The following COX6C variants were observed in gnomAD, a reference collection of about 807,000 sequenced individuals.
COX6C encodes the protein cytochrome c oxidase polypeptide VIc.
In COX6C, 3 loss-of-function variants were observed where a neutral mutation model predicts 6.9. The ratio of observed to expected loss-of-function variants is 0.43; its 90% confidence interval spans 0.20 to 1.12. The LOEUF is 1.12. Among genes scored for constraint, COX6C ranks in the 50% most tolerant of loss-of-function variants. The pLI is 0.27. For synonymous variants in COX6C, 32 were observed against 32.0 expected (o/e 1.00, Z 0.00); for missense variants, 101 against 97.3 (o/e 1.04, Z -0.16).
At chr8:99,892,733 G>GCA (rs1785603656) in intron 1 of COX6C, among the ~76,000 whole-genome samples, 1 of 151,544 alleles carries the variant, frequency 6.6e-6, no homozygotes, top group South Asian at 2.1e-4. Context: ...ACAAACTGCG[G>GCA]CACACTAGTA....
At chr8:99,892,505 C>T (rs145246467) in intron 1 of COX6C, among the ~76,000 whole-genome samples, 2 of 152,286 alleles carry the variant, frequency 1.3e-5, no homozygotes, top group East Asian at 3.9e-4. Context: ...GCTCTCACTA[C>T]TCTGAGCTTT....
chr8:99,887,394 A>C, intron 3 of COX6C, 96 bp downstream of exon 3: 1 of 624,128 alleles, frequency 1.6e-6, no homozygotes, highest in Non-Finnish European at 2.6e-6. Flanking sequence ...AAGTCAAAAA[A>C]TCTTAAGTCT....
rs149663441 is a variant in COX6C, at chr8:99,892,015, G to A, written c.7C>T (p.Pro3Ser). MA[P>S]EVLPKPRMRG... Reference sequence around the variant, plus strand: ...ATCCGAGGTTTTGGCAAAACTTCGGGAGCCATGGTAGTTACTGTCCTTGAT... The same window carrying A: ...ATCCGAGGTTTTGGCAAAACTTCGGAAGCCATGGTAGTTACTGTCCTTGAT... The change falls in exon 2 of 4, where the codon CCC becomes TCC. Residue 3 changes from proline to serine, a missense_variant. Coordinates refer to ENST00000520468, the MANE Select transcript of COX6C (RefSeq NM_004374.4). The A allele has an allele frequency of 2.9e-3, 4,663 of 1,611,950 alleles. 15 individuals are homozygous for A. The highest frequency in any genetic ancestry group is 3.4e-3 in the Non-Finnish European group (3,960 of 1,179,320).
At chr8:99,882,694 T>C (rs571010532) in intron 3 of COX6C, among the ~76,000 whole-genome samples, 1 of 152,290 alleles carries the variant, frequency 6.6e-6, no homozygotes, top group Non-Finnish European at 1.5e-5. Context: ...AGAGGGAACA[T>C]TACAACTGAT....
chr8:99,890,407 C>T (rs77848139), intron 2 of COX6C, among the ~76,000 whole-genome samples: 3,648 of 152,264 alleles, frequency 0.024, 146 homozygotes, highest in African/African-American at 0.084. Context: ...TTCACCTCCC[C>T]AACTTGACTC....
chr8:99,878,358 A>G (rs1318073221), intron 3 of COX6C, 93 bp from the exon 4 acceptor site: 2 of 152,298 alleles, frequency 1.3e-5, no homozygotes, highest in African/African-American at 4.8e-5. Context: ...TCCTACTAGT[A>G]GACTTCACAC....
intron 3 of COX6C, among the ~76,000 whole-genome samples, chr8:99,880,801 G>A (rs866616114): frequency 4.0e-4 from 60 of 151,510 alleles, no homozygotes; most frequent in South Asian, 4.2e-4. Flanking sequence ...GTATTACCGA[G>A]TCCCAGAAGA....
At chr8:99,878,699 AT>A (rs1286436497) in intron 3 of COX6C, 3 of 152,180 alleles carry the variant, frequency 2.0e-5, no homozygotes, top group African/African-American at 7.2e-5. Flanking sequence ...AATGGTAAAA[AT>A]CTAACAAATT....
chr8:99,887,292 A>G (rs1014349704), intron 3 of COX6C, 198 bp downstream of exon 3: 1 of 402,882 alleles, frequency 2.5e-6, no homozygotes, highest in Non-Finnish European at 4.4e-6. Flanking sequence ...CCCACATCAC[A>G]AAAGTATTGT....
chr8:99,880,152 G>T (rs1481957185), intron 3 of COX6C, among the ~76,000 whole-genome samples: 1 of 152,214 alleles, frequency 6.6e-6, no homozygotes, highest in Non-Finnish European at 1.5e-5. Flanking sequence ...GCCTTTCCAT[G>T]CATGGAGCCA....
At chr8:99,882,593 AG>A (rs1817880944) in intron 3 of COX6C, among the ~76,000 whole-genome samples, 1 of 152,224 alleles carries the variant, frequency 6.6e-6, no homozygotes, top group Non-Finnish European at 1.5e-5. Flanking sequence ...ACTACAATAG[AG>A]AAAAATCAAA....
chr8:99,881,292 G>C (rs566748478), intron 3 of COX6C, among the ~76,000 whole-genome samples: 47 of 151,896 alleles, frequency 3.1e-4, no homozygotes, highest in Admixed American at 9.8e-4. Context: ...CCCACGAGGC[G>C]GAAGTTGCAG....
At chr8:99,888,875 C>T (rs1209239753) in intron 2 of COX6C, among the ~76,000 whole-genome samples, 5 of 152,212 alleles carry the variant, frequency 3.3e-5, no homozygotes, top group Admixed American at 1.3e-4. Context: ...GGAGAAGCTG[C>T]ACCTTGTGCA....
intron 3 of COX6C, 109 bp downstream of exon 3, chr8:99,887,381 G>A (rs1359995274): frequency 5.3e-6 from 3 of 561,980 alleles, no homozygotes; most frequent in Admixed American, 3.9e-5. Flanking sequence ...CCACACCATC[G>A]TAAAGTCAAA....
At chr8:99,892,107 T>C in intron 1 of COX6C, 55 bp from the exon 2 acceptor site, 2 of 974,156 alleles carry the variant, frequency 2.1e-6, no homozygotes, top group Non-Finnish European at 1.6e-6. Context: ...GCCACAAACT[T>C]GAGAATGGCC....
At chr8:99,879,624 C>T (rs750108214) in intron 3 of COX6C, among the ~76,000 whole-genome samples, 5 of 152,148 alleles carry the variant, frequency 3.3e-5, no homozygotes, top group Non-Finnish European at 7.3e-5. Flanking sequence ...CAAGAAAAAG[C>T]CACACTCAAA....
intron 1 of COX6C, chr8:99,892,919 C>T (rs1818076823): frequency 6.6e-6 from 1 of 152,216 alleles, no homozygotes; most frequent in South Asian, 2.1e-4. Context: ...AGGTGTTTTC[C>T]ACGGTCACAC....
At chr8:99,883,723 A>G (rs926770365) in intron 3 of COX6C, among the ~76,000 whole-genome samples, 1 of 152,170 alleles carries the variant, frequency 6.6e-6, no homozygotes, top group African/African-American at 2.4e-5. Context: ...ACACACGAGA[A>G]AACTATAGGC....
At chr8:99,889,938 C>CA (rs1818008387) in intron 2 of COX6C, among the ~76,000 whole-genome samples, 1 of 151,436 alleles carries the variant, frequency 6.6e-6, no homozygotes, top group Non-Finnish European at 1.5e-5. Context: ...AAAAAATACA[C>CA]AAAAAATTAG....
Sources: allele counts gnomAD v4.1 joint callset (sites outside exome capture counted in the v4.1 genomes callset), GRCh38; gene constraint gnomAD v4.1.1; transcripts MANE v1.5; gene names NCBI Gene and HGNC (gene_info 2026-07-23, HGNC 2026-07-21).